Variants in NTM observed in about 807,000 individuals in gnomAD.
NTM encodes IgLON family member 2.
NTM carries 13 observed loss-of-function variants against 42.1 expected under a neutral mutation model. The ratio of observed to expected loss-of-function variants is 0.31; its 90% CI spans 0.20 to 0.49. NTM has a LOEUF of 0.49. Ranked by LOEUF, NTM falls within the 20% of genes least tolerant of loss-of-function variation. NTM has a pLI of 0.99. For missense variants in NTM, 373 were observed against 452.8 expected, an observed-to-expected ratio of 0.82 and a Z score of 1.60; for synonymous variants, 187 against 179.2, an observed-to-expected ratio of 1.04 and a Z score of -0.35.
chr11:131,760,217 T>C (rs2083928134), intron 1 of NTM, among the ~76,000 whole-genome samples: 1 of 152,140 alleles, frequency 6.6e-6, no homozygotes, highest in South Asian at 2.1e-4. Context: ...GGGAGAGAAA[T>C]GAGTTTTTCC....
At chr11:131,998,281 C>T (rs2068471031) in intron 2 of NTM, among the ~76,000 whole-genome samples, 1 of 152,128 alleles carries the variant, frequency 6.6e-6, no homozygotes, top group African/African-American at 2.4e-5. Context: ...TGGAGTGAGC[C>T]CACTGATTGG....
intron 1 of NTM, among the ~76,000 whole-genome samples, chr11:131,678,163 C>G (rs1278598356): frequency 1.3e-5 from 2 of 152,210 alleles, no homozygotes. Context: ...GGGGCCCAGA[C>G]TGGACCGGGG....
At chr11:131,657,516 T>C (rs1468432974) in intron 1 of NTM, among the ~76,000 whole-genome samples, 1 of 152,232 alleles carries the variant, frequency 6.6e-6, no homozygotes, top group East Asian at 1.9e-4. Flanking sequence ...TTTTCCTTTG[T>C]ATTGTTATTA....
intron 1 of NTM, among the ~76,000 whole-genome samples, chr11:131,777,763 T>G (rs766292576): frequency 2.0e-5 from 3 of 152,174 alleles, no homozygotes; most frequent in Non-Finnish European, 2.9e-5. Context: ...ATTACATTAG[T>G]GTAATGACAG....
intron 2 of NTM, among the ~76,000 whole-genome samples, chr11:132,048,821 T>TC (rs2078415904): frequency 3.4e-5 from 1 of 29,678 alleles, no homozygotes; most frequent in Non-Finnish European, 5.5e-5. Flanking sequence ...CTTTTTTCTT[T>TC]TTTTTTTTTT....
chr11:131,761,169 C>A (rs1039592457), intron 1 of NTM, among the ~76,000 whole-genome samples: 5 of 152,134 alleles, frequency 3.3e-5, no homozygotes, highest in Non-Finnish European at 1.5e-5. Context: ...GGAGGAGAAT[C>A]GACTTTGCAG....
At chr11:132,200,730 C>A (rs187829893) in intron 3 of NTM, among the ~76,000 whole-genome samples, 2 of 152,114 alleles carry the variant, frequency 1.3e-5, no homozygotes, top group African/African-American at 4.8e-5. Flanking sequence ...CCGAGAGCGG[C>A]GACCACCTGG....
intron 1 of NTM, among the ~76,000 whole-genome samples, chr11:131,872,324 C>T (rs1181943886): frequency 6.6e-6 from 1 of 152,166 alleles, no homozygotes; most frequent in East Asian, 1.9e-4. Context: ...TGGTTATGCA[C>T]AAGGAGAAAT....
At chr11:132,237,001 G>T (rs767835835) in intron 4 of NTM, among the ~76,000 whole-genome samples, 1 of 152,202 alleles carries the variant, frequency 6.6e-6, no homozygotes, top group East Asian at 1.9e-4. Context: ...AGCAGCCCTA[G>T]AGAGGACCCC....
intron 1 of NTM, among the ~76,000 whole-genome samples, chr11:131,738,755 T>A (rs1414083237): frequency 7.0e-6 from 1 of 143,480 alleles, no homozygotes; most frequent in Admixed American, 6.9e-5. Context: ...GATTTTGACA[T>A]CTACAAGGTG....
chr11:131,659,316 C>G (rs764486658), intron 1 of NTM, among the ~76,000 whole-genome samples: 1 of 152,218 alleles, frequency 6.6e-6, no homozygotes, highest in Non-Finnish European at 1.5e-5. Flanking sequence ...ATTGTTGCAG[C>G]CTGACCACAT....
intron 1 of NTM, among the ~76,000 whole-genome samples, chr11:131,679,870 T>C (rs2739264): frequency 0.76 from 115,681 of 151,894 alleles, 44,167 homozygotes; most frequent in East Asian, 0.8. Flanking sequence ...AGGAGAATTT[T>C]GAGGCATGGG....
At chr11:132,209,638 T>G (rs1472107993) in intron 3 of NTM, among the ~76,000 whole-genome samples, 1 of 152,238 alleles carries the variant, frequency 6.6e-6, no homozygotes, top group Non-Finnish European at 1.5e-5. Flanking sequence ...TTACTTTAAA[T>G]GCCGTATAGG....
intron 7 of NTM, among the ~76,000 whole-genome samples, chr11:132,320,947 A>T (rs575064024): frequency 5.3e-5 from 8 of 151,356 alleles, no homozygotes; most frequent in Admixed American, 2.0e-4. Context: ...GTACTCCAAC[A>T]GACCTGCAGC....
chr11:132,330,707 CG>C (rs2095787084), intron 8 of NTM, among the ~76,000 whole-genome samples: 1 of 152,160 alleles, frequency 6.6e-6, no homozygotes, highest in African/African-American at 2.4e-5. Context: ...CAGATGTTTC[CG>C]ATGGATAATT....
At chr11:131,851,541 G>T (rs1281424815) in intron 1 of NTM, among the ~76,000 whole-genome samples, 2 of 150,690 alleles carry the variant, frequency 1.3e-5, no homozygotes, top group Admixed American at 1.3e-4. Context: ...GCGTGTGTGT[G>T]TGTGTGTGTG....
intron 6 of NTM, among the ~76,000 whole-genome samples, chr11:132,312,123 C>A (rs1258658391): frequency 1.3e-5 from 2 of 152,164 alleles, no homozygotes; most frequent in Admixed American, 6.5e-5. Flanking sequence ...GCACCCAGCT[C>A]AGCTGCAGCA....
intron 1 of NTM, among the ~76,000 whole-genome samples, chr11:131,578,669 C>A (rs1258601318): frequency 6.6e-6 from 1 of 152,084 alleles, no homozygotes; most frequent in Non-Finnish European, 1.5e-5. Context: ...AGCTGTGAAC[C>A]CTTATGCAAG....
At chr11:132,174,883 C>A (rs1432780861) in intron 3 of NTM, among the ~76,000 whole-genome samples, 1 of 152,008 alleles carries the variant, frequency 6.6e-6, no homozygotes, top group African/African-American at 2.4e-5. Flanking sequence ...TATTGTCAGG[C>A]AGGAAGAGGA....
Sources: gnomAD v4.1 joint callset for allele counts (sites outside exome capture counted in the v4.1 genomes callset) on GRCh38, gnomAD v4.1.1 for gene constraint, MANE v1.5 for transcripts, NCBI Gene and HGNC (gene_info 2026-07-23, HGNC 2026-07-21) for gene names.